NALF1: variants seen among roughly 807,000 people sequenced by gnomAD.
NALF1 encodes the protein NALCN channel auxiliary factor 1.
In NALF1, 3 loss-of-function variants were observed where a neutral mutation model predicts 48.4. The observed-to-expected ratio is 0.06, with a 90% CI of 0.03 to 0.16. The LOEUF (loss-of-function observed/expected upper bound fraction) is 0.16. NALF1 is among the 10% of genes least tolerant of loss of function. NALF1 has a pLI of 1.00. For missense variants in NALF1, 526 were observed against 571.5 expected, an observed-to-expected ratio of 0.92 and a Z score of 0.81; for synonymous variants, 262 against 245.7, an observed-to-expected ratio of 1.07 and a Z score of -0.62.
At chr13:107,334,851 C>A (rs1223092486) in intron 1 of NALF1, among the ~76,000 whole-genome samples, 1 of 152,144 alleles carries the variant, frequency 6.6e-6, no homozygotes, top group Non-Finnish European at 1.5e-5. Flanking sequence ...TTGAGCCTAT[C>A]AAGTTGATGG....
At chr13:107,498,018 T>C (rs759852950) in intron 1 of NALF1, among the ~76,000 whole-genome samples, 5 of 150,720 alleles carry the variant, frequency 3.3e-5, no homozygotes, top group African/African-American at 9.8e-5. Flanking sequence ...GTTCTGGTTT[T>C]CATGCCAAAA....
At chr13:107,559,277 G>A (rs1054261336) in intron 1 of NALF1, among the ~76,000 whole-genome samples, 5 of 152,070 alleles carry the variant, frequency 3.3e-5, no homozygotes, top group African/African-American at 1.2e-4. Flanking sequence ...AAAACAGTCC[G>A]GATAAGGAGT....
Position 107,381,571 on chromosome 13 carries a change from C to T in NALF1, c.916-170816G>A, listed in dbSNP as rs1033648282. ...CCCTACGCACCGCCCCACCACCCCA[C>T]CCACTCCCACTCTTCCTAAAGAGAC... On this transcript the variant is annotated intron_variant, in intron 1 of 2. Coordinates refer to ENST00000375915, the MANE Select transcript of NALF1 (RefSeq NM_001080396.3). Among the ~76,000 whole-genome samples the T allele has an allele frequency of 5.3e-5, 8 of 152,000 alleles. 1 individual carries two copies. Among genetic ancestry groups the T allele is most frequent in the African/African-American group, 1.4e-4 (6 of 41,380 alleles).
intron 1 of NALF1, among the ~76,000 whole-genome samples, chr13:107,283,074 G>A (rs537154693): frequency 2.0e-4 from 31 of 152,270 alleles, no homozygotes; most frequent in African/African-American, 7.2e-4. Context: ...GGAGCCCTAA[G>A]GAGTTGATGA....
chr13:107,828,491 T>TC (rs1879588145), intron 1 of NALF1, among the ~76,000 whole-genome samples: 2 of 55,920 alleles, frequency 3.6e-5, no homozygotes, highest in African/African-American at 9.0e-5. Context: ...GCCACTGACT[T>TC]GTTTTTTTTT....
intron 1 of NALF1, among the ~76,000 whole-genome samples, chr13:107,659,816 CT>C (rs71121542): frequency 0.28 from 40,646 of 145,800 alleles, 5,765 homozygotes; most frequent in Middle Eastern, 0.4. Context: ...CAAACATTTT[CT>C]TTTTTTTTTT....
intron 1 of NALF1, among the ~76,000 whole-genome samples, chr13:107,252,618 T>C (rs1880725831): frequency 6.6e-6 from 1 of 152,150 alleles, no homozygotes; most frequent in Non-Finnish European, 1.5e-5. Context: ...ACTTCTACTG[T>C]ATTCTAATTC....
intron 1 of NALF1, among the ~76,000 whole-genome samples, chr13:107,594,995 T>C (rs1878701780): frequency 6.6e-6 from 1 of 152,142 alleles, no homozygotes; most frequent in Admixed American, 6.6e-5. Flanking sequence ...TTTATGATTA[T>C]ATAATTTCAA....
At chr13:107,467,961 T>G (rs375432433) in intron 1 of NALF1, among the ~76,000 whole-genome samples, 1,807 of 147,708 alleles carry the variant, frequency 0.012, 33 homozygotes, top group South Asian at 0.06. Flanking sequence ...GGCAGGAGAA[T>G]GGCGTGAACC....
intron 1 of NALF1, among the ~76,000 whole-genome samples, chr13:107,406,456 G>T (rs1380857673): frequency 6.6e-6 from 1 of 151,862 alleles, no homozygotes; most frequent in Non-Finnish European, 1.5e-5. Flanking sequence ...ATTAACCAAA[G>T]AAGTGAAAGA....
chr13:107,585,158 T>C (rs1480100790), intron 1 of NALF1, among the ~76,000 whole-genome samples: 1 of 152,092 alleles, frequency 6.6e-6, no homozygotes, highest in Non-Finnish European at 1.5e-5. Flanking sequence ...CGGTCATTTT[T>C]TTCCAAAATA....
intron 1 of NALF1, among the ~76,000 whole-genome samples, chr13:107,537,339 C>A (rs774192115): frequency 6.6e-6 from 1 of 152,080 alleles, no homozygotes; most frequent in Admixed American, 6.6e-5. Flanking sequence ...AGTTTTATAA[C>A]TGAGATGTAA....
rs536172257 is a variant in NALF1, at chr13:107,790,179, T to C, written c.915+75503A>G. 9.8e-5 allele frequency among the ~76,000 whole-genome samples: 15 copies of C among 152,342 alleles called. No individual in the cohort carries two copies. In the South Asian group the frequency reaches 1.7e-3, roughly 17 times the overall value. On this transcript the variant is annotated intron_variant, in intron 1 of 2. Coordinates refer to ENST00000375915, the MANE Select transcript of NALF1 (RefSeq NM_001080396.3). ...ATGGCAACCATCAATGTTTATTAAG[T>C]ACTTTATACCAAGCACTACTCAAAG...
chr13:107,324,684 G>GT (rs1566485400), intron 1 of NALF1, among the ~76,000 whole-genome samples: 1 of 152,116 alleles, frequency 6.6e-6, no homozygotes. Flanking sequence ...GCCTGTGTGT[G>GT]TGCACAGTAG....
chr13:107,676,988 C>T (rs1456034471), intron 1 of NALF1, among the ~76,000 whole-genome samples: 1 of 152,102 alleles, frequency 6.6e-6, no homozygotes, highest in Non-Finnish European at 1.5e-5. Context: ...ACACTGTCTC[C>T]ACTTTGGGGT....
At chr13:107,373,019 G>A (rs954040725) in intron 1 of NALF1, among the ~76,000 whole-genome samples, 4 of 151,940 alleles carry the variant, frequency 2.6e-5, no homozygotes, top group Admixed American at 2.0e-4. Context: ...TGTAAACTGG[G>A]GATGATAATA....
chr13:107,623,594 T>C (rs891092283), intron 1 of NALF1, among the ~76,000 whole-genome samples: 5 of 152,228 alleles, frequency 3.3e-5, no homozygotes, highest in African/African-American at 1.2e-4. Flanking sequence ...TGTTTCATTC[T>C]GTTGTATGCA....
chr13:107,772,795 A>G (rs1877616092), intron 1 of NALF1, among the ~76,000 whole-genome samples: 1 of 152,182 alleles, frequency 6.6e-6, no homozygotes, highest in African/African-American at 2.4e-5. Flanking sequence ...CCTATGTGAG[A>G]GAAACACTTA....
chr13:107,761,629 G>C (rs1877267853), intron 1 of NALF1, among the ~76,000 whole-genome samples: 1 of 152,120 alleles, frequency 6.6e-6, no homozygotes, highest in African/African-American at 2.4e-5. Flanking sequence ...ATTCCAATTA[G>C]GCATTGTGCT....
Sources: allele counts gnomAD v4.1 joint callset (sites outside exome capture counted in the v4.1 genomes callset), GRCh38; gene constraint gnomAD v4.1.1; transcripts MANE v1.5; gene names NCBI Gene and HGNC (gene_info 2026-07-23, HGNC 2026-07-21).